SUGCT: variants seen among roughly 807,000 people sequenced by gnomAD.
The protein encoded by SUGCT is succinyl-CoA:glutarate-CoA transferase.
In SUGCT, 41 loss-of-function variants were observed where a neutral mutation model predicts 55.0. The observed-to-expected ratio is 0.74, with a 90% CI of 0.58 to 0.97. SUGCT has a LOEUF of 0.97. Ranked by LOEUF, SUGCT falls within the 50% of genes least tolerant of loss-of-function variation. The probability of loss-of-function intolerance (pLI) is 0.00; values close to 1 mark genes in which losing one functional copy is unlikely to be tolerated. For synonymous variants in SUGCT, 187 were observed against 200.4 expected (o/e 0.93, Z 0.56); for missense variants, 568 against 547.8 (o/e 1.04, Z -0.37).
At chr7:40,841,584 T>C (rs1391362896) in intron 13 of SUGCT, among the ~76,000 whole-genome samples, 3 of 152,218 alleles carry the variant, frequency 2.0e-5, no homozygotes, top group African/African-American at 7.2e-5. Context: ...TCCACTTGTG[T>C]ATTTTACTAG....
intron 9 of SUGCT, among the ~76,000 whole-genome samples, chr7:40,362,142 G>C (rs1437854479): frequency 6.6e-6 from 1 of 152,044 alleles, no homozygotes; most frequent in Non-Finnish European, 1.5e-5. Flanking sequence ...AACCATGCCC[G>C]GCGCAGTGGC....
chr7:40,344,968 G>A (rs184581148), intron 9 of SUGCT, among the ~76,000 whole-genome samples: 7 of 152,168 alleles, frequency 4.6e-5, no homozygotes, highest in Non-Finnish European at 7.3e-5. Flanking sequence ...CATAGTATTC[G>A]ATTCTCCATA....
chr7:40,585,900 T>G (rs888428296), intron 12 of SUGCT, among the ~76,000 whole-genome samples: 2 of 152,114 alleles, frequency 1.3e-5, no homozygotes, highest in African/African-American at 4.8e-5. Flanking sequence ...AGGCTGGTCT[T>G]GAACTCCTGG....
chr7:40,357,058 A>G (rs1411724328), intron 9 of SUGCT, among the ~76,000 whole-genome samples: 1 of 152,198 alleles, frequency 6.6e-6, no homozygotes, highest in Non-Finnish European at 1.5e-5. Flanking sequence ...ATGACTCATC[A>G]CTGGTAAATG....
intron 11 of SUGCT, among the ~76,000 whole-genome samples, chr7:40,474,808 G>A (rs1790574816): frequency 6.6e-6 from 1 of 152,118 alleles, no homozygotes; most frequent in Admixed American, 6.6e-5. Context: ...CTGTGTTTCA[G>A]AATTTTTTCA....
At chr7:40,670,491 A>G (rs1801886757) in intron 12 of SUGCT, among the ~76,000 whole-genome samples, 1 of 152,172 alleles carries the variant, frequency 6.6e-6, no homozygotes, top group South Asian at 2.1e-4. Context: ...CCTTGCAGAC[A>G]TCAAAAGGAT....
Position 40,393,438 on chromosome 7 carries a change from G to A in SUGCT, c.817-55849G>A, listed in dbSNP as rs536599153. Reference sequence around the variant, plus strand: ...TGATAGAATGATCTTGACAGAAGCCGTGACACATTGGGTGTAGAAGTAAAT... The same window carrying A: ...TGATAGAATGATCTTGACAGAAGCCATGACACATTGGGTGTAGAAGTAAAT... On this transcript the variant is annotated intron_variant, in intron 9 of 13. Transcript: ENST00000335693. Among the ~76,000 whole-genome samples, 8 of 152,330 alleles carry A rather than the reference G, an allele frequency of 5.3e-5. No homozygotes were observed. In the South Asian group the frequency reaches 6.2e-4, roughly 12 times the overall value.
chr7:40,664,544 G>C (rs1801504548), intron 12 of SUGCT, among the ~76,000 whole-genome samples: 1 of 152,172 alleles, frequency 6.6e-6, no homozygotes, highest in African/African-American at 2.4e-5. Flanking sequence ...TGAGCAAACA[G>C]AGATGAGAAC....
At chr7:41,016,506 C>A in the SUGCT span, among the ~76,000 whole-genome samples, 6 of 152,230 alleles carry the variant, frequency 3.9e-5, no homozygotes, top group South Asian at 1.2e-3. Context: ...AAATTTGCTA[C>A]CCCGCCCTCC....
rs369419676 is a variant in SUGCT at position 40,169,450 on chromosome 7, A to G, written c.101-11497A>G. Among the ~76,000 whole-genome samples, 560 of 152,288 alleles carry G rather than the reference A, an allele frequency of 3.7e-3. 39 individuals are homozygous for G. The South Asian group carries it at 0.11, about 30-fold the overall frequency. On this transcript the variant is annotated intron_variant, in intron 1 of 13. Transcript: ENST00000335693. ...GCATACCTGGGGCTCTGTGAGGGTG[A>G]TGGCATAGGCTGGCACTTGCCCTGG...
chr7:40,182,701 A>T (rs946002926), intron 3 of SUGCT, among the ~76,000 whole-genome samples: 3 of 152,186 alleles, frequency 2.0e-5, no homozygotes, highest in Admixed American at 2.0e-4. Flanking sequence ...CTATGGGCTG[A>T]TGCTATTATT....
At chr7:40,204,242 TG>T (rs1786806318) in intron 6 of SUGCT, among the ~76,000 whole-genome samples, 2 of 151,934 alleles carry the variant, frequency 1.3e-5, no homozygotes, top group South Asian at 4.2e-4. Context: ...CCTCCTGCCT[TG>T]GTCCCCTGAA....
intron 13 of SUGCT, among the ~76,000 whole-genome samples, chr7:40,830,807 A>C (rs968564867): frequency 6.6e-6 from 1 of 152,216 alleles, no homozygotes; most frequent in Non-Finnish European, 1.5e-5. Flanking sequence ...AGTAACTCGG[A>C]GAGTGTGCCC....
chr7:40,959,905 C>T, the SUGCT span, among the ~76,000 whole-genome samples: 39 of 152,254 alleles, frequency 2.6e-4, 1 homozygote, highest in South Asian at 5.0e-3. Context: ...CAGTCCCTCA[C>T]GGCTTCCCTT....
chr7:40,621,002 T>C (rs1198980516), intron 12 of SUGCT, among the ~76,000 whole-genome samples: 1 of 152,180 alleles, frequency 6.6e-6, no homozygotes, highest in Non-Finnish European at 1.5e-5. Context: ...AGGAGGATGT[T>C]TTGCATTTTG....
chr7:40,722,857 G>C (rs983706343), intron 12 of SUGCT, among the ~76,000 whole-genome samples: 1 of 152,038 alleles, frequency 6.6e-6, no homozygotes, highest in South Asian at 2.1e-4. Flanking sequence ...ACATTGAAGC[G>C]ATATCCTTCA....
chr7:40,230,339 G>C (rs1389704132), intron 6 of SUGCT, among the ~76,000 whole-genome samples: 1 of 152,196 alleles, frequency 6.6e-6, no homozygotes, highest in African/African-American at 2.4e-5. Context: ...ATAAGATATA[G>C]GTAGTGAGTG....
intron 9 of SUGCT, among the ~76,000 whole-genome samples, chr7:40,424,969 A>G (rs1358095201): frequency 6.6e-6 from 1 of 152,216 alleles, no homozygotes; most frequent in African/African-American, 2.4e-5. Flanking sequence ...ACACAGTAAT[A>G]GAGTGGGTAC....
At chr7:40,470,023 T>C (rs1337012388) in intron 11 of SUGCT, among the ~76,000 whole-genome samples, 3 of 152,138 alleles carry the variant, frequency 2.0e-5, no homozygotes, top group Admixed American at 6.5e-5. Context: ...ATTAATAGTA[T>C]CACGGGCCAA....
Sources: allele counts gnomAD v4.1 joint callset (sites outside exome capture counted in the v4.1 genomes callset), GRCh38; gene constraint gnomAD v4.1.1; transcripts MANE v1.5; gene names NCBI Gene and HGNC (gene_info 2026-07-23, HGNC 2026-07-21).